Variants in VMA22 observed in about 807,000 individuals in gnomAD.
VMA22 encodes vacuolar ATPase assembly protein VMA22.
At chr2:130,340,067 C>G in the VMA22 span, 1 of 210,860 alleles carries the variant, frequency 4.7e-6, no homozygotes, top group Non-Finnish European at 9.9e-6. Flanking sequence ...ATCCTCTCAG[C>G]TGCCCACAGC....
At chr2:130,341,634 G>A in the VMA22 span, 18 of 1,564,748 alleles carry the variant, frequency 1.2e-5, no homozygotes, top group Non-Finnish European at 1.5e-5. Flanking sequence ...TTGACACTGG[G>A]AAGGGGTTCT....
chr2:130,340,616 T>C, the VMA22 span: 18 of 421,252 alleles, frequency 4.3e-5, no homozygotes, highest in East Asian at 5.9e-4. Flanking sequence ...GCCTGACTTA[T>C]GTTAAGGGCC....
chr2:130,339,225 C>T, the VMA22 span: 2 of 1,614,008 alleles, frequency 1.2e-6, no homozygotes, highest in Non-Finnish European at 1.7e-6. Context: ...CTGCGGCCAG[C>T]TGCAGGCCTG....
At chr2:130,339,313 G>A in the VMA22 span, 144 of 1,417,868 alleles carry the variant, frequency 1.0e-4, no homozygotes, top group Non-Finnish European at 1.2e-5. Context: ...CCCAGAAATT[G>A]GAAAGGCTTC....
the VMA22 span, chr2:130,338,782 C>G: frequency 4.3e-6 from 1 of 233,786 alleles, no homozygotes; most frequent in African/African-American, 2.3e-5. Context: ...TGGCCCCCAT[C>G]TCTCTTCGCA....
the VMA22 span, chr2:130,341,686 C>G: frequency 2.5e-6 from 4 of 1,611,452 alleles, no homozygotes; most frequent in South Asian, 4.4e-5. Flanking sequence ...GAGGCCCCAC[C>G]TCCTCTGGGG....
chr2:130,339,618 G>C, the VMA22 span: 11 of 1,305,426 alleles, frequency 8.4e-6, no homozygotes, highest in Non-Finnish European at 8.1e-6. Context: ...CCTCTAGATG[G>C]CTTTTGCTGA....
chr2:130,342,611 A>G, the VMA22 span: 1 of 467,272 alleles, frequency 2.1e-6, no homozygotes. Flanking sequence ...TCATCTGAAA[A>G]CTGCATTCTG....
At chr2:130,342,317 C>A in the VMA22 span, 60 of 1,056,028 alleles carry the variant, frequency 5.7e-5, no homozygotes, top group Non-Finnish European at 6.6e-5. Context: ...CGGAAGCAAC[C>A]AATCAACTGG....
the VMA22 span, chr2:130,341,186 T>G: frequency 1.1e-6 from 1 of 906,340 alleles, no homozygotes; most frequent in Non-Finnish European, 1.6e-6. Context: ...GGAAACAGCT[T>G]ACCACAAAAC....
At chr2:130,341,066 T>A in the VMA22 span, 2 of 1,569,578 alleles carry the variant, frequency 1.3e-6, no homozygotes, top group Non-Finnish European at 1.7e-6. Flanking sequence ...TGGAGGAGGC[T>A]GGGATCTTAC....
At chr2:130,339,711 C>A in the VMA22 span, 1 of 1,304,330 alleles carries the variant, frequency 7.7e-7, no homozygotes, top group Non-Finnish European at 1.0e-6. Flanking sequence ...GCTGACCACA[C>A]ATTGGATCAC....
At chr2:130,342,595 G>T in the VMA22 span, 1 of 462,576 alleles carries the variant, frequency 2.2e-6, no homozygotes, top group Non-Finnish European at 3.9e-6. Context: ...TTGTTTTAGC[G>T]GTTCGTCATC....
the VMA22 span, chr2:130,339,484 A>G: frequency 1.5e-6 from 2 of 1,366,666 alleles, no homozygotes; most frequent in South Asian, 3.0e-5. Flanking sequence ...GGAACTAAAA[A>G]TTCACAGATA....
chr2:130,338,891 T>C, the VMA22 span: 8 of 535,224 alleles, frequency 1.5e-5, no homozygotes, highest in East Asian at 3.3e-5. Context: ...GTGTGTCCTA[T>C]GGGAACTCAG....
chr2:130,339,297 G>C, the VMA22 span: 3 of 1,461,042 alleles, frequency 2.1e-6, no homozygotes, highest in South Asian at 1.2e-5. Context: ...GGAGGATCTG[G>C]ATATCCCCAG....
At chr2:130,339,827 G>T in the VMA22 span, 12 of 1,287,138 alleles carry the variant, frequency 9.3e-6, no homozygotes, top group East Asian at 1.1e-4. Context: ...CTCACCTCCC[G>T]TCCATACTCC....
the VMA22 span, chr2:130,342,029 C>G: frequency 6.2e-7 from 1 of 1,613,974 alleles, no homozygotes; most frequent in Non-Finnish European, 8.5e-7. Flanking sequence ...TCCACCCGGG[C>G]GTTCAACACC....
chr2:130,340,975 G>A, the VMA22 span: 58 of 1,613,640 alleles, frequency 3.6e-5, no homozygotes, highest in Middle Eastern at 1.6e-4. Context: ...AGTTCAGGGG[G>A]TCCTGAGGGG....
Sources: allele counts gnomAD v4.1 joint callset, GRCh38; gene constraint gnomAD v4.1.1; transcripts MANE v1.5; gene names NCBI Gene and HGNC (gene_info 2026-07-23, HGNC 2026-07-21).